Variants in NECTIN1 observed in about 807,000 individuals in gnomAD.
NECTIN1 encodes the protein nectin cell adhesion molecule 1.
NECTIN1 carries 23 observed loss-of-function variants against 48.0 expected under a neutral mutation model. The observed-to-expected ratio is 0.48, with a 90% CI of 0.34 to 0.68. The LOEUF is 0.68. NECTIN1 is among the 30% of genes least tolerant of loss of function. The probability of loss-of-function intolerance (pLI) is 0.01; values close to 1 mark genes in which losing one functional copy is unlikely to be tolerated. For missense variants in NECTIN1, 591 were observed against 709.9 expected (o/e 0.83, Z 1.90); for synonymous variants, 270 against 288.9 (o/e 0.93, Z 0.66).
Position 119,648,063 on chromosome 11 carries a change from CAAAAAAAAAAA to C in NECTIN1, c.1004-8062_1004-8052del, listed in dbSNP as rs55695982. ...TGGGTGACAGAGTGAGACACCGTCT[CAAAAAAAAAAA>C]AAAAAAAAAAAAAAAAGGGAGGACG... On this transcript the variant is annotated intron_variant, in intron 5 of 7. Transcript: ENST00000341398. Among the ~76,000 whole-genome samples, 86 of 43,094 alleles carry C rather than the reference CAAAAAAAAAAA, an allele frequency of 2.0e-3. 2 individuals are homozygous for C. The highest frequency in any genetic ancestry group is 8.0e-3 in the Admixed American group (16 of 2,000). 28.3% of individuals were successfully genotyped at this position (43,094 alleles called of 152,430 possible). A position where few individuals can be genotyped will look rare whatever the true frequency, so the allele number is the denominator to read the frequency against.
At chr11:119,650,111 G>C (rs1032376309) in intron 5 of NECTIN1, among the ~76,000 whole-genome samples, 2 of 152,130 alleles carry the variant, frequency 1.3e-5, no homozygotes, top group Non-Finnish European at 2.9e-5. Flanking sequence ...GGTACTCAGT[G>C]GGGGAGCTTT....
At chr11:119,676,928 G>A in intron 4 of NECTIN1, 174 bp downstream of exon 4, 1 of 672,574 alleles carries the variant, frequency 1.5e-6, no homozygotes, top group Admixed American at 2.1e-5. Flanking sequence ...TGGACGTAAT[G>A]TATATGTGTG....
rs574080845 is a variant in NECTIN1, at chr11:119,701,488, C to T, written c.80-22723G>A. Among the ~76,000 whole-genome samples the T allele has an allele frequency of 2.6e-5, 4 of 152,188 alleles. No individual in the cohort carries two copies. In the East Asian group the frequency reaches 5.8e-4, roughly 22 times the overall value. ...ACAAAATGCATTGTGGGGGCCCTCT[C>T]AGCTTGCAGTCCCTAGAACGGGACC... is the stretch of plus-strand genomic sequence containing the variant. On this transcript the variant is annotated intron_variant, in intron 1 of 5. Coordinates refer to ENST00000264025, the MANE Select transcript of NECTIN1 (RefSeq NM_002855.5).
rs1261162458 is a variant in NECTIN1, at chr11:119,672,699, GAGA to G, written c.1003+2457_1003+2459del. Reference sequence around the variant, plus strand: ...TCAGAGACTCCCTGTGGCCAACAGAGAGAAGGCCTTGCTCCTTCCTCCCTGCCC... The same window carrying G: ...TCAGAGACTCCCTGTGGCCAACAGAGAGGCCTTGCTCCTTCCTCCCTGCCC... On this transcript the variant is annotated intron_variant, in intron 5 of 5. Coordinates refer to ENST00000264025, the MANE Select transcript of NECTIN1 (RefSeq NM_002855.5). The surrounding 1 kb of genome is among the most constrained non-coding windows in gnomAD (Gnocchi z 4.3). 6.6e-5 allele frequency among the ~76,000 whole-genome samples: 10 copies of G among 152,190 alleles called. No homozygotes were observed. The highest frequency in any genetic ancestry group is 5.2e-4 in the Admixed American group (8 of 15,284).
At chr11:119,657,614 TA>T (rs58262698), downstream of NECTIN1, among the ~76,000 whole-genome samples, 141 of 37,700 alleles carry the variant, frequency 3.7e-3, no homozygotes, top group East Asian at 0.018. Flanking sequence ...ACTTTGTCTT[TA>T]AAAAAAAAAA....
chr11:119,670,051 C>T (rs1024954133), intron 5 of NECTIN1, among the ~76,000 whole-genome samples: 20 of 151,950 alleles, frequency 1.3e-4, no homozygotes, highest in African/African-American at 7.3e-5. Flanking sequence ...CTCCGCCTCC[C>T]GGGTTCAAGC....
rs1565390800 is a variant in NECTIN1 at position 119,683,904 on chromosome 11, T to C, written c.80-5139A>G. On this transcript the variant is annotated intron_variant, in intron 1 of 5. Transcript: ENST00000264025. The surrounding 1 kb of genome is among the most constrained non-coding windows in gnomAD (Gnocchi z 4.0). ...TTCAGGCTGCCTCACTTCCCAGAAG[T>C]GCTGAGCCAGCATGACGGGCCTCAG... 6.6e-6 allele frequency among the ~76,000 whole-genome samples: 1 copy of C among 152,064 alleles called. No individual in the cohort carries two copies. Among genetic ancestry groups the C allele is most frequent in the African/African-American group, 2.4e-5 (1 of 41,392 alleles).
At chr11:119,669,691 A>T (rs146584159) in intron 5 of NECTIN1, among the ~76,000 whole-genome samples, 1 of 152,128 alleles carries the variant, frequency 6.6e-6, no homozygotes, top group Non-Finnish European at 1.5e-5. Flanking sequence ...CTCTGAAGTC[A>T]TCTGTTCCCG....
chr11:119,647,222 T>TGTGTGTGTGA lies in NECTIN1; in HGVS notation c.1004-7211_1004-7210insTCACACACAC, dbSNP rs1365050105. Among the ~76,000 whole-genome samples, 117 of 108,112 alleles carry TGTGTGTGTGA rather than the reference T, an allele frequency of 1.1e-3. 4 individuals carry two copies. The highest frequency in any genetic ancestry group is 1.8e-3 in the Non-Finnish European group (90 of 49,968). 70.9% of individuals were successfully genotyped at this position (108,112 alleles called of 152,430 possible). A position where few individuals can be genotyped will look rare whatever the true frequency, so the allele number is the denominator to read the frequency against. ...GTGTGTGTGTGTGTGTGTGTGTGTGTGACTGTGACCCCCTTTGGAAAGGGT... is the reference window on the plus strand; with the variant it reads ...GTGTGTGTGTGTGTGTGTGTGTGTGTGTGTGTGTGAGACTGTGACCCCCTTTGGAAAGGGT... On this transcript the variant is annotated intron_variant, in intron 5 of 7. Coordinates refer to the NECTIN1 transcript ENST00000341398.
intron 1 of NECTIN1, among the ~76,000 whole-genome samples, chr11:119,726,725 AACCCTTCCCACC>A (rs1248650520): frequency 6.6e-6 from 1 of 152,168 alleles, no homozygotes; most frequent in African/African-American, 2.4e-5. Flanking sequence ...CCCTTCTCCC[AACCCTTCCCACC>A]ACCCTTTGTC....
Position 119,677,350 on chromosome 11 carries a change from G to A in NECTIN1, c.734-131C>T, listed in dbSNP as rs1264872445. The A allele has an allele frequency of 1.6e-5, 16 of 1,016,636 alleles. No individual in the cohort carries two copies. The highest frequency in any genetic ancestry group is 2.3e-5 in the Non-Finnish European group (15 of 650,076). 63.0% of individuals were successfully genotyped at this position (1,016,636 alleles called of 1,614,324 possible). A position where few individuals can be genotyped will look rare whatever the true frequency, so the allele number is the denominator to read the frequency against. On this transcript the variant is annotated intron_variant, in intron 3 of 5. Coordinates refer to ENST00000264025, the MANE Select transcript of NECTIN1 (RefSeq NM_002855.5). This position sits in a 1 kb window ranked among gnomAD's most constrained non-coding sequence, Gnocchi z 5.4. Reference sequence around the variant, plus strand: ...CCAGGAGAGAGGGAAGTGTGGGTGGGAGGGTGGCAATCACAGAGCCCGGGA... The same window carrying A: ...CCAGGAGAGAGGGAAGTGTGGGTGGAAGGGTGGCAATCACAGAGCCCGGGA...
chr11:119,667,444 TC>T (rs1281518041), intron 5 of NECTIN1, among the ~76,000 whole-genome samples: 13 of 152,134 alleles, frequency 8.5e-5, no homozygotes, highest in African/African-American at 3.1e-4. Flanking sequence ...CAAAGGACAC[TC>T]AGAGACAGCA....
chr11:119,665,252 C>T lies in NECTIN1; in HGVS notation c.1049G>A (p.Gly350Glu). The change falls in exon 6 of 6, where the codon GGG becomes GAG. Residue 350 changes from glycine (G) to glutamate (E), a missense_variant. Gly to Glu is a moderately conservative substitution (Grantham distance 98). Coordinates refer to ENST00000264025, the MANE Select transcript of NECTIN1 (RefSeq NM_002855.5). This position sits in a 1 kb window ranked among gnomAD's most constrained non-coding sequence, Gnocchi z 5.1. ...PSPPEHGRRA[G>E]PVPTAIIGGV... Reference sequence around the variant, plus strand: ...CCCAATGATGGCCGTGGGCACCGGCCCGGCGCGCCGCCCATGTTCGGGAGG... The same window carrying T: ...CCCAATGATGGCCGTGGGCACCGGCTCGGCGCGCCGCCCATGTTCGGGAGG... 2 of 1,598,246 alleles carry T rather than the reference C, an allele frequency of 1.3e-6. No homozygotes were observed. The highest frequency in any genetic ancestry group is 1.7e-6 in the Non-Finnish European group (2 of 1,177,238).
At position 119,677,484 on chromosome 11, in the gene NECTIN1, A is replaced by G; in HGVS notation, c.733+71T>C. The G allele has an allele frequency of 6.6e-7, 1 of 1,524,786 alleles. No homozygotes were observed. The allele number at this position is 1,524,786 out of a possible 1,614,324, so 94.5% of individuals were successfully genotyped here. A position where few individuals can be genotyped will look rare whatever the true frequency, so the allele number is the denominator to read the frequency against. ...ACCCCCAGAAAGAGAAAGGGAGGAGAAAGGAGAGGAGGAGGGAGGAGGGAC... is the reference window on the plus strand; with the variant it reads ...ACCCCCAGAAAGAGAAAGGGAGGAGGAAGGAGAGGAGGAGGGAGGAGGGAC... On this transcript the variant is annotated intron_variant, in intron 3 of 5. Coordinates refer to ENST00000264025, the MANE Select transcript of NECTIN1 (RefSeq NM_002855.5). This position sits in a 1 kb window ranked among gnomAD's most constrained non-coding sequence, Gnocchi z 5.4.
chr11:119,658,783 C>T (rs1864615961), downstream of NECTIN1, among the ~76,000 whole-genome samples: 1 of 152,152 alleles, frequency 6.6e-6, no homozygotes, highest in African/African-American at 2.4e-5. Flanking sequence ...GATCTAGCAT[C>T]CCCCCAGGAG....
rs943050723 is a variant in NECTIN1, at chr11:119,705,559, G to C, written c.79+22916C>G. On this transcript the variant is annotated intron_variant, in intron 1 of 5. Transcript: ENST00000264025. ...CAGACAGCAGGTGCAAAGGCCCCGT[G>C]GCGGGAGAGCGTCTGGTAACTGTGG... Among the ~76,000 whole-genome samples the C allele has an allele frequency of 2.6e-5, 4 of 152,260 alleles. No homozygotes were observed. The South Asian group carries it at 8.3e-4, about 31-fold the overall frequency.
chr11:119,698,165 G>A (rs768137498), intron 1 of NECTIN1, among the ~76,000 whole-genome samples: 16 of 152,248 alleles, frequency 1.1e-4, no homozygotes, highest in Non-Finnish European at 2.1e-4. Context: ...GGACAAGAAA[G>A]TTCTTGGAAA....
rs2134353431 is a variant in NECTIN1, at chr11:119,728,687, GCC to G, written c.-136_-135del. On this transcript the variant is annotated 5_prime_UTR_variant, in exon 1 of 6. Transcript: ENST00000264025. ...GGATCCAGGTCAGCTGCAGCCGTCG[GCC>G]GGGGCGGGGTGGGCTGGGTGGGATC... 2.4e-6 allele frequency: 1 copy of G among 408,812 alleles called. No individual in the cohort carries two copies. The highest frequency in any genetic ancestry group is 2.1e-5 in the African/African-American group (1 of 47,526). The allele number at this position is 408,812 out of a possible 1,614,324, so 25.3% of individuals were successfully genotyped here. A position where few individuals can be genotyped will look rare whatever the true frequency, so the allele number is the denominator to read the frequency against.
Position 119,664,992 on chromosome 11 carries a change from C to G in NECTIN1, c.1309G>C (p.Glu437Gln). 1 of 1,613,796 alleles carries G rather than the reference C, an allele frequency of 6.2e-7. No homozygotes were observed. The highest frequency in any genetic ancestry group is 8.5e-7 in the Non-Finnish European group (1 of 1,179,920). The stretch of plus-strand genomic sequence containing the variant: ...CCCTCCTCCTCCTCCTCCTCCTCCT[C>G]ATAGCTGCTTCCACCCAGTGGGCCG... ...KAGPLGGSSY[E>Q]EEEEEEEGGG... Residue 437 changes from glutamate to glutamine, a missense_variant, in exon 6 of 6, where the codon GAG becomes CAG. Physicochemically the swap from Glu to Gln is conservative, Grantham distance 29. Coordinates refer to ENST00000264025, the MANE Select transcript of NECTIN1 (RefSeq NM_002855.5).
Sources: allele counts gnomAD v4.1 joint callset (sites outside exome capture counted in the v4.1 genomes callset), GRCh38; gene constraint gnomAD v4.1.1; non-coding constraint Gnocchi (gnomAD v3.1); transcripts MANE v1.5; gene names NCBI Gene and HGNC (gene_info 2026-07-23, HGNC 2026-07-21).